The following TTC23L variants were observed in gnomAD, a reference collection of about 807,000 sequenced individuals.
TTC23L encodes the protein tetratricopeptide repeat domain 23 like.
Under a neutral mutation model 48.1 loss-of-function variants are expected in TTC23L, and 42 were observed. The observed-to-expected ratio is 0.87, with a 90% confidence interval of 0.68 to 1.13. TTC23L has a LOEUF of 1.13. Ranked by LOEUF, TTC23L falls within the 50% of genes most tolerant of loss-of-function variation. The pLI is 0.00. For missense variants in TTC23L, 391 were observed against 421.0 expected, an observed-to-expected ratio of 0.93 and a Z score of 0.62; for synonymous variants, 159 against 157.2, an observed-to-expected ratio of 1.01 and a Z score of -0.09.
intron 5 of TTC23L, among the ~76,000 whole-genome samples, 165 bp from the exon 6 acceptor site, chr5:34,864,272 C>T (rs779742031): frequency 2.0e-5 from 3 of 152,188 alleles, no homozygotes; most frequent in South Asian, 2.1e-4. Flanking sequence ...CTAAAGAATT[C>T]TTGCTTCTTG....
At chr5:34,915,965 C>G in the TTC23L span, 5 of 1,461,310 alleles carry the variant, frequency 3.4e-6, no homozygotes, top group Non-Finnish European at 4.5e-6. Flanking sequence ...GGGTTACTTA[C>G]TTGACTACAG....
Position 34,868,984 on chromosome 5 carries a change from A to G in TTC23L, c.920A>G (p.Tyr307Cys), listed in dbSNP as rs371389686. Residue 307 changes from tyrosine (Y) to cysteine (C), a missense_variant, in exon 8 of 11, where the codon TAT becomes TGT. By Grantham distance (194) the Tyr-to-Cys change is radical. Transcript: ENST00000505624. ...ATGAGTGCGTTACTGGCCAAAGCTT[A>G]TGCCATGTCTGGAGAGGCCCAGCAC... The G allele has an allele frequency of 2.4e-5, 38 of 1,609,830 alleles. No homozygotes were observed. The highest frequency in any genetic ancestry group is 3.1e-5 in the Non-Finnish European group (36 of 1,178,056).
At chr5:34,881,513 A>G (rs1388058019) in intron 9 of TTC23L, among the ~76,000 whole-genome samples, 1 of 152,224 alleles carries the variant, frequency 6.6e-6, no homozygotes, top group East Asian at 1.9e-4. Context: ...AGAGTGAGAA[A>G]TATGGATAGA....
the TTC23L span, chr5:34,923,069 T>C: frequency 6.4e-7 from 1 of 1,567,844 alleles, no homozygotes; most frequent in Non-Finnish European, 8.8e-7. Flanking sequence ...TCTTTAAAAT[T>C]AGCTATCCAA....
the TTC23L span, chr5:34,919,844 TA>T: frequency 2.7e-6 from 3 of 1,108,346 alleles, no homozygotes; most frequent in South Asian, 1.6e-5. Flanking sequence ...TTCTAGATAC[TA>T]AAATGGATCG....
the TTC23L span, chr5:34,925,156 A>C: frequency 6.8e-7 from 1 of 1,465,076 alleles, no homozygotes; most frequent in Non-Finnish European, 9.1e-7. Context: ...TTCATAACTG[A>C]AAGTCTTTGC....
Position 34,863,187 on chromosome 5 carries a change from T to C in TTC23L, c.536+133T>C, listed in dbSNP as rs2150397310. The C allele has an allele frequency of 9.3e-7, 1 of 1,077,494 alleles. No homozygotes were observed. Among genetic ancestry groups the C allele is most frequent in the Non-Finnish European group, 1.3e-6 (1 of 740,812 alleles). The allele number at this position is 1,077,494 out of a possible 1,614,324, so 66.7% of individuals were successfully genotyped here. ...TCTGTTCCAACATCAAGGCCCTCCA[T>C]GAGCCTCTCCTCTCCATCTAGAAGG... On this transcript the variant is annotated intron_variant, in intron 5 of 10. Coordinates refer to ENST00000505624, the Ensembl canonical transcript of TTC23L. The surrounding 1 kb of genome is among the most constrained non-coding windows in gnomAD (Gnocchi z 4.1).
exon 8 of TTC23L, chr5:34,868,979 A>G: frequency 6.2e-7 from 1 of 1,610,330 alleles, no homozygotes; most frequent in Non-Finnish European, 8.5e-7. Context: ...TACTGGCCAA[A>G]GCTTATGCCA....
At chr5:34,922,746 G>A in the TTC23L span, 5 of 1,613,914 alleles carry the variant, frequency 3.1e-6, no homozygotes, top group Non-Finnish European at 3.4e-6. Flanking sequence ...AAAGGTTCTC[G>A]GCCCCTTTTG....
At chr5:34,915,957 G>A in the TTC23L span, 27 of 1,474,706 alleles carry the variant, frequency 1.8e-5, no homozygotes, top group South Asian at 3.2e-4. Context: ...CTTTTCTTGG[G>A]TTACTTACTT....
the TTC23L span, among the ~76,000 whole-genome samples, chr5:34,912,339 T>TG: frequency 6.6e-6 from 1 of 152,156 alleles, no homozygotes; most frequent in Non-Finnish European, 1.5e-5. Context: ...TTGTTAATGG[T>TG]GGTGTAAATT....
downstream of TTC23L, among the ~76,000 whole-genome samples, chr5:34,902,180 T>G (rs1763526118): frequency 6.6e-6 from 1 of 152,110 alleles, no homozygotes; most frequent in African/African-American, 2.4e-5. Context: ...TCCCAGCACT[T>G]TGGGAGGCTG....
the TTC23L span, chr5:34,914,661 T>G: frequency 6.9e-6 from 11 of 1,603,410 alleles, no homozygotes; most frequent in Non-Finnish European, 9.4e-6. Flanking sequence ...TTAGAGTATC[T>G]ATGGCACAGG....
the TTC23L span, chr5:34,913,873 A>C: frequency 2.1e-6 from 1 of 469,684 alleles, no homozygotes; most frequent in Non-Finnish European, 4.2e-6. Flanking sequence ...GAGCAACATT[A>C]GTTTCAACTT....
chr5:34,921,856 G>A, the TTC23L span: 1 of 154,054 alleles, frequency 6.5e-6, no homozygotes, highest in African/African-American at 2.5e-5. Context: ...GCGGCGAGCC[G>A]AGATCGTGCC....
intron 9 of TTC23L, among the ~76,000 whole-genome samples, chr5:34,885,834 A>AT (rs2111733597): frequency 6.6e-6 from 1 of 152,286 alleles, no homozygotes; most frequent in Admixed American, 6.5e-5. Context: ...GTATGCATGT[A>AT]TATTTATATA....
the TTC23L span, chr5:34,909,154 G>A: frequency 1.0e-6 from 1 of 993,588 alleles, no homozygotes; most frequent in East Asian, 2.5e-5. Context: ...TTTATAAAAT[G>A]CTGTGCATTT....
At chr5:34,910,951 C>T in the TTC23L span, among the ~76,000 whole-genome samples, 1 of 152,186 alleles carries the variant, frequency 6.6e-6, no homozygotes. Flanking sequence ...AAACTGCCCT[C>T]CCTTGGGAAG....
chr5:34,922,903 T>C, the TTC23L span: 1 of 1,233,864 alleles, frequency 8.1e-7, no homozygotes, highest in African/African-American at 1.5e-5. Flanking sequence ...TCAGGTACAT[T>C]TATAATGAGG....
Sources: gnomAD v4.1 joint callset for allele counts (sites outside exome capture counted in the v4.1 genomes callset) on GRCh38, gnomAD v4.1.1 for gene constraint, Gnocchi (gnomAD v3.1) non-coding constraint, MANE v1.5 for transcripts, NCBI Gene and HGNC (gene_info 2026-07-23, HGNC 2026-07-21) for gene names.